Variants in POU2F3 observed in about 807,000 individuals in gnomAD.
POU2F3 encodes POU class 2 homeobox 3, also known as POU domain, class 2, transcription factor 3.
Under a neutral mutation model 59.2 loss-of-function variants are expected in POU2F3, and 23 were observed. The observed-to-expected ratio is 0.39, with a 90% CI of 0.28 to 0.55. The LOEUF is 0.55. Ranked by LOEUF, POU2F3 falls within the 20% of genes least tolerant of loss-of-function variation. The probability of loss-of-function intolerance (pLI) is 0.66; values close to 1 mark genes in which losing one functional copy is unlikely to be tolerated. For synonymous variants in POU2F3, 190 were observed against 214.6 expected (o/e 0.89, Z 1.00); for missense variants, 473 against 544.5 (o/e 0.87, Z 1.31).
intron 4 of POU2F3, 84 bp from the exon 5 acceptor site, chr11:120,299,540 C>G (rs1476462179): frequency 6.3e-6 from 8 of 1,268,144 alleles, no homozygotes; most frequent in African/African-American, 4.4e-5. Context: ...CTGGAGACCC[C>G]TGGGACGGAC....
intron 3 of POU2F3, among the ~76,000 whole-genome samples, chr11:120,277,370 CA>C (rs1940377562): frequency 6.6e-6 from 1 of 152,152 alleles, no homozygotes; most frequent in Non-Finnish European, 1.5e-5. Context: ...CATATGGGAC[CA>C]AGCCACACCC....
At chr11:120,240,691 G>C (rs1335113687) in intron 1 of POU2F3, among the ~76,000 whole-genome samples, 1 of 152,154 alleles carries the variant, frequency 6.6e-6, no homozygotes, top group African/African-American at 2.4e-5. Flanking sequence ...GAGGTTGCAG[G>C]GATGGGTGGT....
chr11:120,304,689 C>G (rs1941435583), intron 6 of POU2F3, among the ~76,000 whole-genome samples: 1 of 151,124 alleles, frequency 6.6e-6, no homozygotes, highest in Admixed American at 6.5e-5. Flanking sequence ...TTGTAAACAA[C>G]CCTGCTAGCT....
At chr11:120,279,210 C>T (rs998609247) in intron 3 of POU2F3, among the ~76,000 whole-genome samples, 2 of 151,904 alleles carry the variant, frequency 1.3e-5, no homozygotes, top group South Asian at 2.1e-4. Flanking sequence ...CTGCTTGTCT[C>T]GGGAGGAGGC....
At chr11:120,268,040 A>C (rs1184810991) in intron 2 of POU2F3, among the ~76,000 whole-genome samples, 1 of 152,064 alleles carries the variant, frequency 6.6e-6, no homozygotes, top group Non-Finnish European at 1.5e-5. Context: ...TATAAGTTTA[A>C]GCAAATCATG....
At chr11:120,273,551 G>A (rs1257069951) in intron 3 of POU2F3, among the ~76,000 whole-genome samples, 1 of 152,202 alleles carries the variant, frequency 6.6e-6, no homozygotes, top group Non-Finnish European at 1.5e-5. Flanking sequence ...TCTGTGGGCA[G>A]TAAGGCGCTA....
intron 6 of POU2F3, chr11:120,303,585 T>C (rs1299575418): frequency 1.3e-5 from 2 of 152,150 alleles, no homozygotes; most frequent in East Asian, 1.9e-4. Flanking sequence ...GAACAAATGA[T>C]TTAATGAAAA....
In POU2F3 at chr11:120,309,409, C is replaced by G. The variant is rs996167911; in HGVS notation, c.907-16C>G. The G allele has an allele frequency of 5.6e-6, 9 of 1,604,706 alleles. No homozygotes were observed. The African/African-American group carries it at 9.4e-5, about 17-fold the overall frequency. On this transcript the variant is annotated splice_polypyrimidine_tract_variant and intron_variant, in intron 9 of 12. Transcript: ENST00000543440. ...TCCCTTCTCTTGGCCATACTCTGTC[C>G]TTTCGGTGCCTATAGAACCCAAAAC...
rs140225289 is a variant in POU2F3 at position 120,304,710 on chromosome 11, TAGAAA to T, written c.445-318_445-314del. 0.028 allele frequency among the ~76,000 whole-genome samples: 4,311 copies of T among 152,118 alleles called. 1,043 individuals are homozygous for T. The East Asian group carries it at 0.6, about 21-fold the overall frequency. On this transcript the variant is annotated intron_variant, in intron 6 of 12. Coordinates refer to ENST00000543440, the MANE Select transcript of POU2F3 (RefSeq NM_014352.4). ...ACAACCCTGCTAGCTCCTTTTATGGTAGAAAACTGAAAGGAGGAAGTAACCTGCTA... is the reference window on the plus strand; with the variant it reads ...ACAACCCTGCTAGCTCCTTTTATGGTACTGAAAGGAGGAAGTAACCTGCTA...
chr11:120,255,045 C>T (rs150640669), intron 2 of POU2F3: 1 of 152,384 alleles, frequency 6.6e-6, no homozygotes, highest in Non-Finnish European at 1.5e-5. Flanking sequence ...CTTTCATCTC[C>T]TACCACTGGC....
intron 7 of POU2F3, 189 bp downstream of exon 7, chr11:120,305,401 G>A: frequency 1.1e-6 from 1 of 889,350 alleles, no homozygotes; most frequent in Non-Finnish European, 1.7e-6. Context: ...TGGTGGAGGA[G>A]AATGAGAGGT....
At chr11:120,279,607 G>A (rs1313818382) in intron 3 of POU2F3, among the ~76,000 whole-genome samples, 3 of 152,184 alleles carry the variant, frequency 2.0e-5, no homozygotes, top group South Asian at 2.1e-4. Context: ...GTTGGTAAAC[G>A]TGTTTGTTTT....
intron 2 of POU2F3, among the ~76,000 whole-genome samples, chr11:120,254,496 GA>G (rs1486766440): frequency 1.3e-5 from 2 of 150,062 alleles, no homozygotes; most frequent in African/African-American, 4.8e-5. Flanking sequence ...GGTCTGTGGA[GA>G]CCACTTCCCC....
At chr11:120,296,069 G>A (rs1464260201) in intron 3 of POU2F3, among the ~76,000 whole-genome samples, 1 of 152,164 alleles carries the variant, frequency 6.6e-6, no homozygotes, top group Non-Finnish European at 1.5e-5. Context: ...TTGTCGACAG[G>A]GAGAAAAATC....
At chr11:120,306,183 G>C (rs1039800397) in intron 8 of POU2F3, among the ~76,000 whole-genome samples, 1 of 152,192 alleles carries the variant, frequency 6.6e-6, no homozygotes, top group African/African-American at 2.4e-5. Context: ...GTCTCACTGG[G>C]AGGGGGAGAC....
At chr11:120,268,434 G>A (rs182490062) in intron 2 of POU2F3, among the ~76,000 whole-genome samples, 1 of 152,186 alleles carries the variant, frequency 6.6e-6, no homozygotes, top group Non-Finnish European at 1.5e-5. Context: ...TCTACCTCCT[G>A]GGCTCAAGCG....
intron 3 of POU2F3, among the ~76,000 whole-genome samples, chr11:120,297,088 G>T (rs1233093003): frequency 6.6e-6 from 1 of 152,206 alleles, no homozygotes; most frequent in Non-Finnish European, 1.5e-5. Context: ...TTTCTATCTG[G>T]ATAGGGAACA....
intron 3 of POU2F3, among the ~76,000 whole-genome samples, chr11:120,293,616 C>T (rs1051026332): frequency 2.6e-5 from 4 of 152,104 alleles, no homozygotes; most frequent in Non-Finnish European, 4.4e-5. Context: ...TTTCCACAAA[C>T]GAGTTATGCA....
intron 3 of POU2F3, among the ~76,000 whole-genome samples, chr11:120,279,810 C>A (rs1054601848): frequency 6.6e-6 from 1 of 152,192 alleles, no homozygotes; most frequent in Non-Finnish European, 1.5e-5. Flanking sequence ...GAAGCCTGTG[C>A]CTAGTACTTG....
Sources: allele counts gnomAD v4.1 joint callset (sites outside exome capture counted in the v4.1 genomes callset), GRCh38; gene constraint gnomAD v4.1.1; transcripts MANE v1.5; gene names NCBI Gene and HGNC (gene_info 2026-07-23, HGNC 2026-07-21).